The following BICC1 variants were observed in gnomAD, a reference collection of about 807,000 sequenced individuals.
BICC1 encodes the protein BicC family RNA binding protein 1.
BICC1 carries 43 observed loss-of-function variants against 111.0 expected under a neutral mutation model. The observed-to-expected ratio is 0.39, with a 90% CI of 0.30 to 0.50. The LOEUF is 0.50. Ranked by LOEUF, BICC1 falls within the 20% of genes least tolerant of loss-of-function variation. The probability of loss-of-function intolerance (pLI) is 0.88; values close to 1 mark genes in which losing one functional copy is unlikely to be tolerated. For missense variants in BICC1, 1,091 were observed against 1,203.2 expected (o/e 0.91, Z 1.38); for synonymous variants, 467 against 434.4 (o/e 1.07, Z -0.93).
At chr10:58,778,437 T>A (rs1442887069) in intron 3 of BICC1, among the ~76,000 whole-genome samples, 1 of 152,104 alleles carries the variant, frequency 6.6e-6, no homozygotes, top group Non-Finnish European at 1.5e-5. Context: ...AGCATATATT[T>A]TGTGTGTTAT....
chr10:58,807,533 GGGGAA>G (rs1843747186), intron 17 of BICC1, among the ~76,000 whole-genome samples: 1 of 152,120 alleles, frequency 6.6e-6, no homozygotes, highest in Non-Finnish European at 1.5e-5. Flanking sequence ...GGTCACGATG[GGGGAA>G]AAGGCAAATA....
intron 1 of BICC1, among the ~76,000 whole-genome samples, chr10:58,567,460 A>G (rs566405312): frequency 1.3e-5 from 2 of 151,848 alleles, no homozygotes; most frequent in Non-Finnish European, 2.9e-5. Context: ...TTTAGGGGAT[A>G]TGTATATGTG....
chr10:58,611,747 C>T (rs1206164637), intron 1 of BICC1, among the ~76,000 whole-genome samples: 2 of 152,014 alleles, frequency 1.3e-5, no homozygotes, highest in East Asian at 3.9e-4. Context: ...ACCTCGGCCT[C>T]CCAAAGTGCT....
At chr10:58,585,056 G>A (rs943907087) in intron 1 of BICC1, among the ~76,000 whole-genome samples, 2 of 152,150 alleles carry the variant, frequency 1.3e-5, no homozygotes, top group African/African-American at 4.8e-5. Context: ...GCAAGTGGTA[G>A]GGAGTTGTAC....
At chr10:58,591,248 G>A (rs536068511) in intron 1 of BICC1, among the ~76,000 whole-genome samples, 1 of 151,400 alleles carries the variant, frequency 6.6e-6, no homozygotes, top group Admixed American at 6.5e-5. Flanking sequence ...CTTGGGTAGG[G>A]AAAGGGGGAC....
chr10:58,521,330 C>T (rs1658493), intron 1 of BICC1, among the ~76,000 whole-genome samples: 82,090 of 151,828 alleles, frequency 0.54, 23,253 homozygotes, highest in African/African-American at 0.71. Flanking sequence ...ATACTGTATC[C>T]ACAAGTGCCA....
At chr10:58,648,770 A>G (rs1838350855) in intron 2 of BICC1, 1 of 557,632 alleles carries the variant, frequency 1.8e-6, no homozygotes, top group Non-Finnish European at 2.3e-6. Context: ...ACTCCTGATC[A>G]CTCTGCTTTT....
At chr10:58,717,824 G>A (rs1445463301) in intron 3 of BICC1, among the ~76,000 whole-genome samples, 1 of 152,048 alleles carries the variant, frequency 6.6e-6, no homozygotes, top group Admixed American at 6.6e-5. Flanking sequence ...CCTTCCAAAT[G>A]ACTCTTGAAC....
chr10:58,794,460 C>G (rs1229363341), intron 9 of BICC1, among the ~76,000 whole-genome samples: 3 of 151,058 alleles, frequency 2.0e-5, no homozygotes, highest in African/African-American at 7.3e-5. Flanking sequence ...ACTTTATCAC[C>G]AAGGCTGGAG....
intron 3 of BICC1, among the ~76,000 whole-genome samples, chr10:58,711,045 G>A (rs757958819): frequency 4.6e-5 from 7 of 151,936 alleles, no homozygotes; most frequent in Non-Finnish European, 7.4e-5. Context: ...TTGGGGTCTC[G>A]CTGCATTACC....
chr10:58,782,897 A>G (rs1036722123), intron 3 of BICC1, among the ~76,000 whole-genome samples: 7 of 152,176 alleles, frequency 4.6e-5, no homozygotes, highest in African/African-American at 1.7e-4. Flanking sequence ...AAGTGTGGTA[A>G]AAGTTGGCTA....
chr10:58,617,590 A>C lies in BICC1; in HGVS notation c.191-3265A>C, dbSNP rs115567811. Reference sequence around the variant, plus strand: ...CACAGTTCACTCTAGTACTGACGCCATATGGTTTGATACCAAGTGTGGACA... The same window carrying C: ...CACAGTTCACTCTAGTACTGACGCCCTATGGTTTGATACCAAGTGTGGACA... On this transcript the variant is annotated intron_variant, in intron 1 of 20. Coordinates refer to ENST00000373886, the MANE Select transcript of BICC1 (RefSeq NM_001080512.3). Among the ~76,000 whole-genome samples the C allele has an allele frequency of 5.5e-3, 833 of 152,372 alleles. 9 individuals are homozygous for C. The highest frequency in any genetic ancestry group is 0.019 in the African/African-American group (804 of 41,588).
intron 1 of BICC1, among the ~76,000 whole-genome samples, chr10:58,550,573 T>C (rs1340264701): frequency 6.6e-6 from 1 of 152,236 alleles, no homozygotes; most frequent in South Asian, 2.1e-4. Context: ...TTGCATTTTA[T>C]GTCTAGGTTT....
At chr10:58,709,406 C>T (rs1008902954) in intron 3 of BICC1, among the ~76,000 whole-genome samples, 2 of 152,178 alleles carry the variant, frequency 1.3e-5, no homozygotes, top group African/African-American at 2.4e-5. Context: ...TACACCTGTG[C>T]ACAAATATAT....
At chr10:58,811,443 A>G (rs956443015) in intron 17 of BICC1, among the ~76,000 whole-genome samples, 2 of 152,254 alleles carry the variant, frequency 1.3e-5, no homozygotes, top group African/African-American at 4.8e-5. Context: ...TCAAAGATAT[A>G]CAAATAATAA....
At chr10:58,620,743 G>A in intron 1 of BICC1, 112 bp from the exon 2 acceptor site, 1 of 938,756 alleles carries the variant, frequency 1.1e-6, no homozygotes, top group South Asian at 1.5e-5. Context: ...TGAGCTGTGG[G>A]AGAGCAAGGC....
At chr10:58,742,431 A>ATTTTTT (rs554670544) in intron 3 of BICC1, among the ~76,000 whole-genome samples, 41 of 94,132 alleles carry the variant, frequency 4.4e-4, no homozygotes, top group Admixed American at 1.1e-3. Context: ...GTATGCTTTA[A>ATTTTTT]TTTTTTTTTT....
rs1843030372 is a variant in BICC1, at chr10:58,787,055, A to G, written c.520A>G (p.Asn174Asp). 2 of 1,591,384 alleles carry G rather than the reference A, an allele frequency of 1.3e-6. No homozygotes were observed. The highest frequency in any genetic ancestry group is 2.3e-5 in the East Asian group (1 of 43,506). The change falls in exon 5 of 21, where the codon AAT becomes GAT. Residue 174 changes from asparagine (N) to aspartate (D), a missense_variant. Asn to Asp is a conservative substitution (Grantham distance 23). Transcript: ENST00000373886. ...TATCCACTTTCCAGATTCCAACAGG[A>G]ATAACCAAGCAGAAAAAAGCAACCA... Reference protein sequence around the residue: ...CHIHFPDSNRNNQAEKSNQVS... With the variant: ...CHIHFPDSNRDNQAEKSNQVS...
chr10:58,665,880 T>C (rs568013231), intron 2 of BICC1, among the ~76,000 whole-genome samples: 1 of 152,334 alleles, frequency 6.6e-6, no homozygotes, highest in African/African-American at 2.4e-5. Context: ...TGCAAAAGTA[T>C]GGTTTTATAT....
Sources: gnomAD v4.1 joint callset for allele counts (sites outside exome capture counted in the v4.1 genomes callset) on GRCh38, gnomAD v4.1.1 for gene constraint, MANE v1.5 for transcripts, NCBI Gene and HGNC (gene_info 2026-07-23, HGNC 2026-07-21) for gene names.